Variants in SHOC1 observed in about 807,000 individuals in gnomAD.
SHOC1 encodes shortage in chiasmata 1.
Under a neutral mutation model 179.2 loss-of-function variants are expected in SHOC1, and 136 were observed. That is an observed-to-expected ratio of 0.76 (90% CI 0.66 to 0.87). The LOEUF (loss-of-function observed/expected upper bound fraction) is 0.87, where lower values mean the gene tolerates loss of function less well. Among genes scored for constraint, SHOC1 ranks in the 40% least tolerant of loss-of-function variants. The pLI is 0.00. For synonymous variants in SHOC1, 489 were observed against 586.6 expected (o/e 0.83, Z 2.41); for missense variants, 1,538 against 1,700.8 (o/e 0.90, Z 1.68).
intron 11 of SHOC1, among the ~76,000 whole-genome samples, chr9:111,739,331 C>T (rs941016437): frequency 2.0e-5 from 3 of 151,974 alleles, no homozygotes; most frequent in Non-Finnish European, 4.4e-5. Context: ...ATAAACTACA[C>T]ATATTTAGAG....
At position 111,694,298 on chromosome 9, in the gene SHOC1, A is replaced by G. The variant is rs755194061; in HGVS notation, c.3248T>C (p.Leu1083Ser). Residue 1083 changes from leucine (L) to serine (S), a missense_variant, in exon 25 of 28, where the codon TTA becomes TCA. Leu to Ser is a moderately radical substitution (Grantham distance 145). Transcript: ENST00000682961. ...LIIRQIADHS[L>S]MTSKRDPHEW... is the part of the protein sequence containing the mutation. ...ATGAGGATCTCTCTTTGAGGTCATT[A>G]AACTGTGGTCAGCAATTTGTCGAAT... 2 of 1,612,046 alleles carry G rather than the reference A, an allele frequency of 1.2e-6. No individual in the cohort carries two copies. The highest frequency in any genetic ancestry group is 1.7e-6 in the Non-Finnish European group (2 of 1,178,468).
Position 111,727,725 on chromosome 9 carries a change from T to C in SHOC1, c.1742A>G (p.Asp581Gly). 3.1e-6 allele frequency: 5 copies of C among 1,613,262 alleles called. No homozygotes were observed. Among genetic ancestry groups the C allele is most frequent in the Middle Eastern group, 1.7e-4 (1 of 6,056 alleles). ...SFEHGKKQENDLDLLSDFIML... is the reference protein window; with the variant it reads ...SFEHGKKQENGLDLLSDFIML... ...AATAAAGTCGCTCAAAAGGTCCAAATCATTCTCTTGTTTTTTGCCATGTTC... is the reference window on the plus strand; with the variant it reads ...AATAAAGTCGCTCAAAAGGTCCAAACCATTCTCTTGTTTTTTGCCATGTTC... Residue 581 changes from aspartate to glycine, a missense_variant, in exon 13 of 28, where the codon GAT becomes GGT. Asp to Gly is a moderately conservative substitution (Grantham distance 94, BLOSUM62 -1). Coordinates refer to ENST00000682961, the MANE Select transcript of SHOC1 (RefSeq NM_001378211.1).
At chr9:111,715,864 T>C (rs1832761196) in intron 16 of SHOC1, among the ~76,000 whole-genome samples, 1 of 152,152 alleles carries the variant, frequency 6.6e-6, no homozygotes, top group South Asian at 2.1e-4. Flanking sequence ...AAATACTGAA[T>C]TTATTTCTGG....
chr9:111,714,733 C>A, intron 16 of SHOC1, 110 bp from the exon 17 acceptor site: 1 of 968,128 alleles, frequency 1.0e-6, no homozygotes, highest in Non-Finnish European at 1.5e-6. Context: ...TTAAAATTTC[C>A]TTTAATTGTT....
At position 111,738,470 on chromosome 9, in the gene SHOC1, C is replaced by A. The variant is rs774910533; in HGVS notation, c.1227G>T (p.Lys409Asn). 7 of 1,602,318 alleles carry A rather than the reference C, an allele frequency of 4.4e-6. No homozygotes were observed. Among genetic ancestry groups the A allele is most frequent in the Non-Finnish European group, 5.9e-6 (7 of 1,176,710 alleles). ...HSQYSVTDLKKIFSVKEESLV... is the reference protein window; with the variant it reads ...HSQYSVTDLKNIFSVKEESLV... Reference sequence around the variant, plus strand: ...GGCTTTCTTCTTTAACAGAAAATATCTTTTTCAAATCTGTAACTGAATATT... The same window carrying A: ...GGCTTTCTTCTTTAACAGAAAATATATTTTTCAAATCTGTAACTGAATATT... The change falls in exon 12 of 28, where the codon AAG becomes AAT. Residue 409 changes from lysine to asparagine, a missense_variant. Coordinates refer to ENST00000682961, the MANE Select transcript of SHOC1 (RefSeq NM_001378211.1).
chr9:111,721,895 A>G (rs1479107986), intron 15 of SHOC1, among the ~76,000 whole-genome samples: 1 of 152,148 alleles, frequency 6.6e-6, no homozygotes. Context: ...GGTAGGGCTC[A>G]TTTCACTCAT....
intron 5 of SHOC1, among the ~76,000 whole-genome samples, chr9:111,764,574 G>A (rs1835272305): frequency 6.6e-6 from 1 of 152,126 alleles, no homozygotes; most frequent in Admixed American, 6.5e-5. Context: ...AACTACATTG[G>A]GAGAGTAGAC....
intron 5 of SHOC1, among the ~76,000 whole-genome samples, chr9:111,762,860 T>C (rs142366781): frequency 1.1e-3 from 166 of 151,852 alleles, no homozygotes; most frequent in African/African-American, 3.8e-3. Flanking sequence ...TTAGTCAGTA[T>C]AGTCAGACAA....
At chr9:111,787,472 A>G (rs756659896) in intron 2 of SHOC1, among the ~76,000 whole-genome samples, 13 of 152,226 alleles carry the variant, frequency 8.5e-5, no homozygotes, top group African/African-American at 3.1e-4. Flanking sequence ...AAGTGGAGGA[A>G]GTACATAACT....
intron 8 of SHOC1, among the ~76,000 whole-genome samples, chr9:111,748,894 GCTTT>G (rs1297421382): frequency 1.6e-4 from 19 of 117,784 alleles, no homozygotes; most frequent in Non-Finnish European, 1.2e-4. Flanking sequence ...TTATCTTTTG[GCTTT>G]CTTTCTTCCC....
At chr9:111,787,869 A>C (rs552120759) in intron 2 of SHOC1, among the ~76,000 whole-genome samples, 1 of 152,166 alleles carries the variant, frequency 6.6e-6, no homozygotes, top group Non-Finnish European at 1.5e-5. Flanking sequence ...CACAGCCACC[A>C]CTCTGATCAG....
intron 25 of SHOC1, 90 bp from the exon 26 acceptor site, chr9:111,694,038 G>C (rs1226172296): frequency 1.1e-6 from 1 of 923,276 alleles, no homozygotes; most frequent in Non-Finnish European, 1.5e-6. Context: ...TCCTAGAAAA[G>C]AGTTTAATAG....
intron 12 of SHOC1, among the ~76,000 whole-genome samples, chr9:111,736,009 T>C (rs1469113896): frequency 2.0e-5 from 3 of 152,118 alleles, no homozygotes. Context: ...AGTGCATGTA[T>C]GAGATAAAAG....
chr9:111,714,692 G>C (rs948597381), intron 16 of SHOC1, 69 bp from the exon 17 acceptor site: 19 of 1,354,464 alleles, frequency 1.4e-5, no homozygotes, highest in Non-Finnish European at 1.8e-5. Flanking sequence ...GGTAAAAAAG[G>C]CTTAAAGAAA....
chr9:111,701,046 T>G (rs1054021885), intron 23 of SHOC1, among the ~76,000 whole-genome samples: 1 of 152,192 alleles, frequency 6.6e-6, no homozygotes, highest in Admixed American at 6.5e-5. Flanking sequence ...TTGCTGACTT[T>G]GCATTATAGG....
At chr9:111,743,665 T>G (rs940195127) in intron 10 of SHOC1, among the ~76,000 whole-genome samples, 4 of 152,218 alleles carry the variant, frequency 2.6e-5, no homozygotes, top group Non-Finnish European at 5.9e-5. Flanking sequence ...TTTACTATAG[T>G]TATTGCTGTT....
intron 15 of SHOC1, among the ~76,000 whole-genome samples, chr9:111,720,135 T>A (rs1208097953): frequency 6.6e-6 from 1 of 152,224 alleles, no homozygotes; most frequent in Admixed American, 6.5e-5. Flanking sequence ...TTTCCGCTTC[T>A]TGTATTTACT....
chr9:111,698,712 G>C (rs10981017), intron 24 of SHOC1, among the ~76,000 whole-genome samples: 8,669 of 152,192 alleles, frequency 0.057, 625 homozygotes, highest in African/African-American at 0.17. Context: ...AGTGGTAAGA[G>C]AATCGGGGAA....
At chr9:111,752,065 A>C (rs10981050) in intron 8 of SHOC1, among the ~76,000 whole-genome samples, 4,829 of 152,298 alleles carry the variant, frequency 0.032, 109 homozygotes, top group Non-Finnish European at 0.048. Context: ...ATTGATACTG[A>C]GTGAATTTCC....
Sources: allele counts gnomAD v4.1 joint callset (sites outside exome capture counted in the v4.1 genomes callset), GRCh38; gene constraint gnomAD v4.1.1; transcripts MANE v1.5; gene names NCBI Gene and HGNC (gene_info 2026-07-23, HGNC 2026-07-21).